The following GXYLT1 variants were observed in gnomAD, a reference collection of about 807,000 sequenced individuals.
The protein encoded by GXYLT1 is glucoside xylosyltransferase 1, also known as glycosyltransferase 8 domain containing 3.
GXYLT1 carries 29 observed loss-of-function variants against 54.0 expected under a neutral mutation model. The ratio of observed to expected loss-of-function variants is 0.54; its 90% confidence interval spans 0.40 to 0.73. The LOEUF (loss-of-function observed/expected upper bound fraction) is 0.73, where lower values mean the gene tolerates loss of function less well. GXYLT1 is among the 30% of genes least tolerant of loss of function. The pLI, the probability that GXYLT1 is intolerant of heterozygous loss-of-function variation, is 0.00. For synonymous variants in GXYLT1, 176 were observed against 204.1 expected, an observed-to-expected ratio of 0.86 and a Z score of 1.17; for missense variants, 490 against 553.4, an observed-to-expected ratio of 0.89 and a Z score of 1.15.
At position 42,136,751 on chromosome 12, in the gene GXYLT1, TATACATACATACATAC is replaced by T. The variant is rs58827513; in HGVS notation, c.222-6916_222-6901del. On this transcript the variant is annotated intron_variant, in intron 1 of 7. Coordinates refer to ENST00000398675, the MANE Select transcript of GXYLT1 (RefSeq NM_173601.2). ...TTAAAACCAATTACAGGAGGTTTTTTATACATACATACATACATACATACATACATACATACAAACA... is the reference window on the plus strand; with the variant it reads ...TTAAAACCAATTACAGGAGGTTTTTTATACATACATACATACATACAAACA... Among the ~76,000 whole-genome samples the T allele has an allele frequency of 9.8e-3, 1,443 of 147,484 alleles. 33 individuals carry two copies. Among genetic ancestry groups the T allele is most frequent in the African/African-American group, 0.034 (1,354 of 39,620 alleles).
At chr12:42,133,821 A>G (rs2065605502) in intron 1 of GXYLT1, among the ~76,000 whole-genome samples, 1 of 152,202 alleles carries the variant, frequency 6.6e-6, no homozygotes, top group African/African-American at 2.4e-5. Flanking sequence ...CAGATACTGC[A>G]AGGTGAGAGA....
intron 1 of GXYLT1, among the ~76,000 whole-genome samples, chr12:42,132,630 G>T (rs2065599063): frequency 6.6e-6 from 1 of 152,134 alleles, no homozygotes; most frequent in Non-Finnish European, 1.5e-5. Context: ...GAAACTACTT[G>T]ATCTTCGTTA....
intron 7 of GXYLT1, 116 bp from the exon 8 acceptor site, chr12:42,088,063 T>A: frequency 2.1e-6 from 1 of 483,332 alleles, no homozygotes; most frequent in South Asian, 3.9e-5. Context: ...CCATTTAACG[T>A]CTCACAGAAA....
chr12:42,095,208 A>T (rs2065349047), intron 7 of GXYLT1, among the ~76,000 whole-genome samples: 1 of 152,190 alleles, frequency 6.6e-6, no homozygotes, highest in African/African-American at 2.4e-5. Context: ...AGGAATACAA[A>T]CAATCCCTAT....
chr12:42,112,107 C>A (rs1384312544), intron 3 of GXYLT1, among the ~76,000 whole-genome samples: 1 of 152,152 alleles, frequency 6.6e-6, no homozygotes, highest in Non-Finnish European at 1.5e-5. Flanking sequence ...GGAAAACTAA[C>A]AAACAGAAAG....
In GXYLT1 at chr12:42,129,845, T is replaced by G; in HGVS notation, c.228A>C (p.Lys76Asn). The G allele has an allele frequency of 6.2e-7, 1 of 1,607,628 alleles. No individual in the cohort carries two copies. The highest frequency in any genetic ancestry group is 8.5e-7 in the Non-Finnish European group (1 of 1,174,364). The stretch of plus-strand genomic sequence containing the variant: ...GATTCCAGTAACACAGAGAGAAATC[T>G]TTACACCTAACAGAGTAAGACAGAA... ...AAHPGVSDRC[K>N]DFSLCYWNPY... The change falls in exon 2 of 8, where the codon AAA becomes AAC. Residue 76 changes from lysine (K) to asparagine (N), a missense_variant. Lys to Asn is a moderately conservative substitution (Grantham distance 94). This residue lies in a region of GXYLT1 where 148 missense variants were observed against 210.7 expected (regional missense o/e 0.70). Transcript: ENST00000398675.
intron 1 of GXYLT1, among the ~76,000 whole-genome samples, chr12:42,132,306 G>A (rs1024426546): frequency 6.6e-5 from 10 of 152,240 alleles, no homozygotes; most frequent in East Asian, 1.9e-4. Flanking sequence ...ACCTGAATGA[G>A]AAACATTGTG....
chr12:42,136,692 C>T (rs534535008), intron 1 of GXYLT1, among the ~76,000 whole-genome samples: 3 of 152,166 alleles, frequency 2.0e-5, no homozygotes, highest in Admixed American at 6.5e-5. Context: ...AAACAACACT[C>T]GGCATAATAA....
rs547607376 is a variant in GXYLT1, at chr12:42,108,993, T to C, written c.612+573A>G. 8.5e-5 allele frequency among the ~76,000 whole-genome samples: 13 copies of C among 152,122 alleles called. No homozygotes were observed. In the South Asian group the frequency reaches 2.3e-3, roughly 27 times the overall value. On this transcript the variant is annotated intron_variant, in intron 4 of 7. Transcript: ENST00000398675. ...GTAACCTTGCTTCAGAACATTTGTA[T>C]ATAAAAAAGAAAAAAAAATCAAGGT...
At chr12:42,095,487 AGAAT>A (rs1470326529) in intron 7 of GXYLT1, among the ~76,000 whole-genome samples, 3 of 152,220 alleles carry the variant, frequency 2.0e-5, no homozygotes, top group Non-Finnish European at 1.5e-5. Flanking sequence ...TAAAAAGCAA[AGAAT>A]GAATGAAGAT....
chr12:42,090,661 T>C (rs894581077), intron 7 of GXYLT1, among the ~76,000 whole-genome samples: 3 of 152,300 alleles, frequency 2.0e-5, no homozygotes, highest in East Asian at 3.9e-4. Context: ...CTTTGGAAAA[T>C]ACAGGAGAAT....
chr12:42,136,948 T>C (rs540030152), intron 1 of GXYLT1, among the ~76,000 whole-genome samples: 22 of 152,106 alleles, frequency 1.4e-4, no homozygotes, highest in Non-Finnish European at 3.1e-4. Flanking sequence ...TAATTTTTTG[T>C]ATTTTTGTTG....
chr12:42,093,303 G>T (rs921883763), intron 7 of GXYLT1, among the ~76,000 whole-genome samples: 1 of 152,102 alleles, frequency 6.6e-6, no homozygotes, highest in Admixed American at 6.5e-5. Context: ...TCACCACTTT[G>T]GTGGCCAGGC....
chr12:42,144,690 C>CGCCGCG lies in GXYLT1; in HGVS notation c.-45_-44insCGCGGC. 19 of 1,363,986 alleles carry CGCCGCG rather than the reference C, an allele frequency of 1.4e-5. 1 individual carries two copies. The highest frequency in any genetic ancestry group is 1.3e-5 in the Non-Finnish European group (14 of 1,046,302). The allele number at this position is 1,363,986 out of a possible 1,614,324, so 84.5% of individuals were successfully genotyped here. A position where few individuals can be genotyped will look rare whatever the true frequency, so the allele number is the denominator to read the frequency against. On this transcript the variant is annotated 5_prime_UTR_variant, in exon 1 of 8. Coordinates refer to ENST00000398675, the MANE Select transcript of GXYLT1 (RefSeq NM_173601.2). Reference sequence around the variant, plus strand: ...CCTTCGCCGCCGCCGCCGCGCCCGCCCCGACGAACTGGAGCGGAGGGAGGG... The same window carrying CGCCGCG: ...CCTTCGCCGCCGCCGCCGCGCCCGCCGCCGCGCCGACGAACTGGAGCGGAGGGAGGG...
At chr12:42,102,089 T>C (rs1565568296) in intron 5 of GXYLT1, among the ~76,000 whole-genome samples, 1 of 152,238 alleles carries the variant, frequency 6.6e-6, no homozygotes, top group South Asian at 2.1e-4. Context: ...AGCAAACCTA[T>C]GACCAAATAC....
At chr12:42,106,143 G>T in intron 4 of GXYLT1, 74 bp from the exon 5 acceptor site, 1 of 985,152 alleles carries the variant, frequency 1.0e-6, no homozygotes, top group Non-Finnish European at 1.6e-6. Context: ...CTCTAATTGT[G>T]TAAGATACAC....
In GXYLT1 at chr12:42,123,715, ATAAT is replaced by A. The variant is rs376075122; in HGVS notation, c.315-4548_315-4545del. Among the ~76,000 whole-genome samples, 434 of 152,192 alleles carry A rather than the reference ATAAT, an allele frequency of 2.9e-3. 2 individuals carry two copies. The highest frequency in any genetic ancestry group is 9.3e-3 in the African/African-American group (387 of 41,578). ...TAGTATTCCCTATTTAAAGAGATAC[ATAAT>A]TAGACTACAAACTACCATTGAAGTA... On this transcript the variant is annotated intron_variant, in intron 2 of 7. Transcript: ENST00000398675.
chr12:42,111,487 T>C (rs2065455555), intron 3 of GXYLT1, among the ~76,000 whole-genome samples: 1 of 152,246 alleles, frequency 6.6e-6, no homozygotes, highest in Non-Finnish European at 1.5e-5. Flanking sequence ...ATTATATCCC[T>C]CACCTGGCTC....
At chr12:42,143,125 C>T (rs2065661129) in intron 1 of GXYLT1, among the ~76,000 whole-genome samples, 2 of 152,126 alleles carry the variant, frequency 1.3e-5, no homozygotes, top group Non-Finnish European at 2.9e-5. Flanking sequence ...GACCAAGGCA[C>T]TAAAAATGTG....
Sources: gnomAD v4.1 joint callset for allele counts (sites outside exome capture counted in the v4.1 genomes callset) on GRCh38, gnomAD v4.1.1 for gene constraint, gnomAD v4.1.1 regional missense constraint, MANE v1.5 for transcripts, NCBI Gene and HGNC (gene_info 2026-07-23, HGNC 2026-07-21) for gene names.